Variants in TDRD10 observed in about 807,000 individuals in gnomAD.
TDRD10 encodes tudor domain-containing protein 10.
A neutral mutation model predicts 48.0 loss-of-function variants in TDRD10; 40 were observed. The observed-to-expected ratio is 0.83, with a 90% CI of 0.65 to 1.09. The LOEUF is 1.09. TDRD10 is among the 50% of genes least tolerant of loss of function. The pLI is 0.00. For synonymous variants in TDRD10, 162 were observed against 170.4 expected (o/e 0.95, Z 0.38); for missense variants, 378 against 434.7 (o/e 0.87, Z 1.16).
rs558638219 is a variant in TDRD10 at position 154,508,396 on chromosome 1, G to A, written c.83-27G>A. ...GAATCCTCTAACCGTATGTATGCCT[G>A]CCATTTAATGCTGTTTTTCTTCTTA... On this transcript the variant is annotated intron_variant, in intron 3 of 12. Coordinates refer to ENST00000368482, the MANE Select transcript of TDRD10 (RefSeq NM_182499.4). 4 of 1,533,750 alleles carry A rather than the reference G, an allele frequency of 2.6e-6. No individual in the cohort carries two copies. In the Middle Eastern group the frequency reaches 5.0e-4, roughly 193 times the overall value.
chr1:154,540,173 G>T (rs1288975986), intron 6 of TDRD10, among the ~76,000 whole-genome samples: 1 of 152,198 alleles, frequency 6.6e-6, no homozygotes, highest in Admixed American at 6.5e-5. Context: ...ATTGGATTGT[G>T]GGGGCAGGTG....
chr1:154,540,678 G>C (rs1413757084), intron 6 of TDRD10, among the ~76,000 whole-genome samples: 1 of 152,154 alleles, frequency 6.6e-6, no homozygotes, highest in Non-Finnish European at 1.5e-5. Flanking sequence ...CATGTGAGTG[G>C]AATTCCAGAG....
At position 154,528,532 on chromosome 1, in the gene TDRD10, A is replaced by T. The variant is rs538565351; in HGVS notation, c.369+7053A>T. Among the ~76,000 whole-genome samples, 338 of 151,772 alleles carry T rather than the reference A, an allele frequency of 2.2e-3. 3 individuals are homozygous for T. The highest frequency in any genetic ancestry group is 1.4e-3 in the Non-Finnish European group (92 of 67,888). ...GAGATGCTGCACCCTGCCAAAAAAA[A>T]TTTTTTTAACATAAAAATAATAAAT... On this transcript the variant is annotated intron_variant, in intron 6 of 12. Coordinates refer to ENST00000368482, the MANE Select transcript of TDRD10 (RefSeq NM_182499.4).
At position 154,521,309 on chromosome 1, in the gene TDRD10, T is replaced by G. The variant is rs778188182; in HGVS notation, c.213-14T>G. ...GATGTGCTCAAAGCCTCCCTCTCTC[T>G]CTTCCCTTTTCAGCTTTGCATTTGT... On this transcript the variant is annotated splice_polypyrimidine_tract_variant and intron_variant, in intron 5 of 12. Coordinates refer to ENST00000368482, the MANE Select transcript of TDRD10 (RefSeq NM_182499.4). The G allele has an allele frequency of 7.4e-6, 12 of 1,613,742 alleles. No individual in the cohort carries two copies. In the Admixed American group the frequency reaches 2.0e-4, roughly 27 times the overall value.
chr1:154,518,930 C>A (rs78295459), intron 4 of TDRD10, among the ~76,000 whole-genome samples: 2,194 of 152,160 alleles, frequency 0.014, 46 homozygotes, highest in African/African-American at 0.05. Flanking sequence ...AATGGTAAAA[C>A]CTGAGAAGAA....
chr1:154,541,928 T>G (rs1695257312), intron 6 of TDRD10, 96 bp from the exon 7 acceptor site: 2 of 1,261,374 alleles, frequency 1.6e-6, no homozygotes, highest in Non-Finnish European at 2.3e-6. Flanking sequence ...GGGCTGCCGA[T>G]GCTCTGTCTC....
At chr1:154,539,690 G>A (rs762420784) in intron 6 of TDRD10, among the ~76,000 whole-genome samples, 9 of 152,194 alleles carry the variant, frequency 5.9e-5, no homozygotes, top group Non-Finnish European at 1.3e-4. Context: ...CATTTCCTAG[G>A]CCCTGGTGTT....
chr1:154,542,979 T>G (rs900326781), intron 8 of TDRD10, among the ~76,000 whole-genome samples, 158 bp downstream of exon 8: 5 of 152,104 alleles, frequency 3.3e-5, no homozygotes, highest in African/African-American at 1.2e-4. Flanking sequence ...CACTGACTTA[T>G]AAAATCAGCT....
chr1:154,508,601 C>A, intron 4 of TDRD10, 120 bp downstream of exon 4: 1 of 730,022 alleles, frequency 1.4e-6, no homozygotes. Context: ...ATAGTGCAGA[C>A]AGTCACTCGT....
chr1:154,522,316 G>A (rs938730776), intron 6 of TDRD10, among the ~76,000 whole-genome samples: 1 of 152,106 alleles, frequency 6.6e-6, no homozygotes, highest in African/African-American at 2.4e-5. Context: ...GGATGTCCCC[G>A]TAACTCATGG....
Position 154,508,611 on chromosome 1 carries a change from T to C in TDRD10, c.141+130T>C. On this transcript the variant is annotated intron_variant, in intron 4 of 12. Coordinates refer to ENST00000368482, the MANE Select transcript of TDRD10 (RefSeq NM_182499.4). ...CTATGATAGTGCAGACAGTCACTCG[T>C]TGGTGACTAGGGTAACCAATGCATC... The C allele has an allele frequency of 4.3e-6, 3 of 698,996 alleles. No homozygotes were observed. The South Asian group carries it at 4.9e-5, about 11-fold the overall frequency. 43.3% of individuals were successfully genotyped at this position (698,996 alleles called of 1,614,324 possible). A position where few individuals can be genotyped will look rare whatever the true frequency, so the allele number is the denominator to read the frequency against.
At chr1:154,521,236 C>T (rs951657588) in intron 5 of TDRD10, 87 bp from the exon 6 acceptor site, 2 of 1,352,118 alleles carry the variant, frequency 1.5e-6, no homozygotes, top group Non-Finnish European at 1.0e-6. Flanking sequence ...GGACACTGGC[C>T]TTCCAGCTTG....
intron 1 of TDRD10, among the ~76,000 whole-genome samples, chr1:154,505,798 A>G (rs995185261): frequency 2.6e-5 from 4 of 152,170 alleles, no homozygotes; most frequent in African/African-American, 9.7e-5. Flanking sequence ...ACGGAATTGT[A>G]GAAAAGTGCC....
At position 154,521,421 on chromosome 1, in the gene TDRD10, C is replaced by T. The variant is rs779121543; in HGVS notation, c.311C>T (p.Thr104Ile). 2.5e-6 allele frequency: 4 copies of T among 1,614,178 alleles called. No individual in the cohort carries two copies. The highest frequency in any genetic ancestry group is 3.4e-6 in the Non-Finnish European group (4 of 1,180,042). ...CACAAGCGAAAACTGTTCGTGAATA[C>T]AAGCAAAAGGCCCCCCAAGAGGACC... is the stretch of plus-strand genomic sequence containing the variant. ...LFHKRKLFVNTSKRPPKRTPD... is the reference protein window; with the variant it reads ...LFHKRKLFVNISKRPPKRTPD... Residue 104 changes from threonine (T) to isoleucine (I), a missense_variant, in exon 6 of 13, where the codon ACA becomes ATA. Around this residue, in one of 2 missense-constraint regions of TDRD10, gnomAD observed 310 missense variants for 323.6 expected, o/e 0.96. Transcript: ENST00000368482.
chr1:154,517,420 CTT>C (rs991043116), intron 4 of TDRD10, among the ~76,000 whole-genome samples: 13 of 138,446 alleles, frequency 9.4e-5, no homozygotes, highest in Non-Finnish European at 9.5e-5. Flanking sequence ...GATATTAGAC[CTT>C]TTTTTTTTTT....
In TDRD10 at chr1:154,547,936, A is replaced by C; in HGVS notation, c.*226A>C. 1 of 600,902 alleles carries C rather than the reference A, an allele frequency of 1.7e-6. No individual in the cohort carries two copies. Among genetic ancestry groups the C allele is most frequent in the Non-Finnish European group, 2.9e-6 (1 of 341,474 alleles). The allele number at this position is 600,902 out of a possible 1,614,324, so 37.2% of individuals were successfully genotyped here. On this transcript the variant is annotated 3_prime_UTR_variant, in exon 13 of 13. Transcript: ENST00000368482. The stretch of plus-strand genomic sequence containing the variant: ...TCCCCAACTTGGCATGAACATTTGA[A>C]CCAAACATAGGAAACTACCATTAGG...
chr1:154,540,770 G>A (rs1408466927), intron 6 of TDRD10, among the ~76,000 whole-genome samples: 1 of 152,216 alleles, frequency 6.6e-6, no homozygotes, highest in Non-Finnish European at 1.5e-5. Context: ...AGATGGCCTT[G>A]GAGAGAAGGT....
At position 154,528,583 on chromosome 1, in the gene TDRD10, G is replaced by A. The variant is rs538866487; in HGVS notation, c.369+7104G>A. The stretch of plus-strand genomic sequence containing the variant: ...AGACCAGGGACAATGGCTCACGCCT[G>A]TAATCCCAGCACTTTGGGAGGCTGA... On this transcript the variant is annotated intron_variant, in intron 6 of 12. Coordinates refer to ENST00000368482, the MANE Select transcript of TDRD10 (RefSeq NM_182499.4). 1.9e-3 allele frequency among the ~76,000 whole-genome samples: 285 copies of A among 152,236 alleles called. 2 individuals are homozygous for A. Among genetic ancestry groups the A allele is most frequent in the South Asian group, 4.4e-3 (21 of 4,814 alleles).
intron 4 of TDRD10, among the ~76,000 whole-genome samples, 153 bp from the exon 5 acceptor site, chr1:154,520,151 A>G (rs989018312): frequency 6.6e-6 from 1 of 152,102 alleles, no homozygotes; most frequent in African/African-American, 2.4e-5. Flanking sequence ...TTTCTTGCCT[A>G]TCCTACAAAA....
Sources: allele counts gnomAD v4.1 joint callset (sites outside exome capture counted in the v4.1 genomes callset), GRCh38; gene constraint gnomAD v4.1.1; regional missense constraint gnomAD v4.1.1; transcripts MANE v1.5; gene names NCBI Gene and HGNC (gene_info 2026-07-23, HGNC 2026-07-21).